Variants in TRPM3 observed in about 807,000 individuals in gnomAD.
TRPM3 encodes the protein transient receptor potential cation channel subfamily M member 3.
A neutral mutation model predicts 181.2 loss-of-function variants in TRPM3; 77 were observed. The ratio of observed to expected loss-of-function variants is 0.42; its 90% confidence interval spans 0.35 to 0.51. The LOEUF is 0.51. TRPM3 is among the 20% of genes least tolerant of loss of function. The pLI, the probability that TRPM3 is intolerant of heterozygous loss-of-function variation, is 0.01. For synonymous variants in TRPM3, 745 were observed against 796.4 expected, an observed-to-expected ratio of 0.94 and a Z score of 1.09; for missense variants, 1,759 against 2,196.7, an observed-to-expected ratio of 0.80 and a Z score of 3.98.
chr9:71,301,173 T>C (rs994763965), intron 1 of TRPM3, among the ~76,000 whole-genome samples: 3 of 152,170 alleles, frequency 2.0e-5, no homozygotes, highest in African/African-American at 7.2e-5. Context: ...TTAGGATTGA[T>C]GTCTGATTGG....
intron 6 of TRPM3, among the ~76,000 whole-genome samples, chr9:70,819,810 A>G (rs1303394367): frequency 6.6e-6 from 1 of 152,214 alleles, no homozygotes; most frequent in East Asian, 1.9e-4. Flanking sequence ...GATGTTCACA[A>G]TATAATCAGA....
intron 8 of TRPM3, among the ~76,000 whole-genome samples, chr9:70,758,597 T>C (rs1418917587): frequency 6.6e-6 from 1 of 152,178 alleles, no homozygotes; most frequent in East Asian, 1.9e-4. Flanking sequence ...GAGGCTACAG[T>C]AACCATAACA....
At chr9:71,397,983 C>A (rs2093240888) in intron 1 of TRPM3, among the ~76,000 whole-genome samples, 1 of 152,192 alleles carries the variant, frequency 6.6e-6, no homozygotes, top group African/African-American at 2.4e-5. Context: ...ACCCTCCTGG[C>A]AACTTTAACC....
At chr9:71,349,968 C>CATAT (rs758622802) in intron 1 of TRPM3, among the ~76,000 whole-genome samples, 790 of 67,660 alleles carry the variant, frequency 0.012, 4 homozygotes, top group South Asian at 0.034. Context: ...ATTGTAAGTG[C>CATAT]ATATATATAT....
At chr9:70,833,809 G>A (rs991879710) in intron 5 of TRPM3, among the ~76,000 whole-genome samples, 2 of 152,102 alleles carry the variant, frequency 1.3e-5, no homozygotes, top group African/African-American at 2.4e-5. Context: ...CAGAGGTCAG[G>A]AAAGCCACCA....
chr9:70,995,927 C>A (rs1415934236), intron 1 of TRPM3, among the ~76,000 whole-genome samples: 1 of 152,158 alleles, frequency 6.6e-6, no homozygotes, highest in Non-Finnish European at 1.5e-5. Context: ...ACTTTTCCCT[C>A]TATAATTCCC....
intron 1 of TRPM3, among the ~76,000 whole-genome samples, chr9:71,245,443 CAAA>C (rs61043388): frequency 7.5e-6 from 1 of 133,664 alleles, no homozygotes. Flanking sequence ...GACTCCATTT[CAAA>C]AAAAAAAAAA....
chr9:70,536,570 G>C lies in TRPM3; in HGVS notation c.4543C>G (p.Arg1515Gly), dbSNP rs1035251103. Residue 1515 changes from arginine (R) to glycine (G), a missense_variant, in exon 26 of 26, where the codon CGC becomes GGC. Physicochemically the swap from Arg to Gly is moderately radical, Grantham distance 125 (BLOSUM62 -2). This residue lies in a region of TRPM3 where 612 missense variants were observed against 590.0 expected (regional missense o/e 1.04). Coordinates refer to ENST00000677713, the MANE Select transcript of TRPM3 (RefSeq NM_001366145.2). ...AGAAAGGGTGTGGTGGCTAGGTAGC[G>C]GCTACTTTTGGAACGCTCAATGGTG... is the stretch of plus-strand genomic sequence containing the variant. The part of the protein sequence containing the change: ...YHTIERSKSS[R>G]YLATTPFLLE... 1 of 1,614,120 alleles carries C rather than the reference G, an allele frequency of 6.2e-7. No homozygotes were observed. The highest frequency in any genetic ancestry group is 1.3e-5 in the African/African-American group (1 of 75,034).
chr9:71,316,648 C>A (rs920041236), intron 1 of TRPM3, among the ~76,000 whole-genome samples: 2 of 152,060 alleles, frequency 1.3e-5, no homozygotes, highest in African/African-American at 2.4e-5. Context: ...CCTCCAGAAG[C>A]TGAAAAAGGT....
chr9:71,042,437 C>T (rs1239324489), intron 1 of TRPM3, among the ~76,000 whole-genome samples: 2 of 152,206 alleles, frequency 1.3e-5, no homozygotes, highest in African/African-American at 4.8e-5. Context: ...ATGGCATTTA[C>T]ATGAAGAACG....
At chr9:71,221,998 T>C (rs367786943) in intron 1 of TRPM3, among the ~76,000 whole-genome samples, 2 of 152,338 alleles carry the variant, frequency 1.3e-5, no homozygotes, top group South Asian at 2.1e-4. Context: ...TTTTTTTATC[T>C]GCCCTTAAAG....
chr9:71,267,207 A>C (rs1308007062), intron 1 of TRPM3, among the ~76,000 whole-genome samples: 1 of 151,944 alleles, frequency 6.6e-6, no homozygotes, highest in Non-Finnish European at 1.5e-5. Context: ...CTTAAATGTC[A>C]CCTCCTTAGA....
intron 1 of TRPM3, among the ~76,000 whole-genome samples, chr9:71,272,373 G>C (rs2083870716): frequency 6.6e-6 from 1 of 152,036 alleles, no homozygotes; most frequent in Non-Finnish European, 1.5e-5. Flanking sequence ...TTTTAAAAAT[G>C]AGTCTATTTC....
intron 18 of TRPM3, 82 bp downstream of exon 18, chr9:70,615,826 G>A: frequency 5.8e-6 from 8 of 1,388,926 alleles, no homozygotes; most frequent in Non-Finnish European, 7.8e-6. Context: ...GACCTAAGGA[G>A]TTACTGAATC....
intron 1 of TRPM3, among the ~76,000 whole-genome samples, chr9:71,027,105 C>T (rs922995178): frequency 6.6e-6 from 1 of 152,156 alleles, no homozygotes; most frequent in African/African-American, 2.4e-5. Flanking sequence ...ACCTCAGCCC[C>T]TCCAGTGCAG....
intron 6 of TRPM3, among the ~76,000 whole-genome samples, chr9:70,792,681 G>GAGAT (rs2085802047): frequency 6.6e-6 from 1 of 151,156 alleles, no homozygotes; most frequent in Admixed American, 6.6e-5. Context: ...GAGAGAGAGA[G>GAGAT]AGAGAACTGA....
intron 1 of TRPM3, among the ~76,000 whole-genome samples, chr9:71,408,773 G>A (rs375774807): frequency 2.6e-5 from 4 of 152,084 alleles, no homozygotes; most frequent in South Asian, 2.1e-4. Flanking sequence ...GATACTCCTC[G>A]AGGAGAGCAA....
chr9:70,660,999 C>T (rs1300702290), intron 9 of TRPM3, among the ~76,000 whole-genome samples: 1 of 152,014 alleles, frequency 6.6e-6, no homozygotes, highest in African/African-American at 2.4e-5. Flanking sequence ...AACTACAGAC[C>T]GATATTCCTG....
intron 1 of TRPM3, among the ~76,000 whole-genome samples, chr9:71,254,250 C>T (rs182605758): frequency 1.3e-5 from 2 of 152,060 alleles, no homozygotes; most frequent in African/African-American, 2.4e-5. Context: ...ATAAACCAAG[C>T]GCAGAAAGGT....
Sources: gnomAD v4.1 joint callset for allele counts (sites outside exome capture counted in the v4.1 genomes callset) on GRCh38, gnomAD v4.1.1 for gene constraint, gnomAD v4.1.1 regional missense constraint, MANE v1.5 for transcripts, NCBI Gene and HGNC (gene_info 2026-07-23, HGNC 2026-07-21) for gene names.